LRP1B: variants seen among roughly 807,000 people sequenced by gnomAD.
LRP1B encodes the protein LDL receptor related protein 1B, also known as low-density lipoprotein receptor-related protein 1B.
LRP1B carries 217 observed loss-of-function variants against 556.6 expected under a neutral mutation model. That is an observed-to-expected ratio of 0.39 (90% CI 0.35 to 0.44). The LOEUF (loss-of-function observed/expected upper bound fraction) is 0.44, where lower values mean the gene tolerates loss of function less well. Ranked by LOEUF, LRP1B falls within the 20% of genes least tolerant of loss-of-function variation. LRP1B has a pLI of 1.00. For synonymous variants in LRP1B, 2,047 were observed against 1,865.8 expected (o/e 1.10, Z -2.50); for missense variants, 5,053 against 5,620.8 (o/e 0.90, Z 3.23).
intron 2 of LRP1B, among the ~76,000 whole-genome samples, chr2:141,709,806 G>T (rs975556572): frequency 6.6e-5 from 10 of 151,666 alleles, no homozygotes; most frequent in Non-Finnish European, 1.3e-4. Flanking sequence ...TAGTTTCTTT[G>T]TGTTGCTATG....
At chr2:141,446,455 ATGC>A (rs1224196733) in intron 3 of LRP1B, among the ~76,000 whole-genome samples, 1 of 152,164 alleles carries the variant, frequency 6.6e-6, no homozygotes, top group African/African-American at 2.4e-5. Context: ...TGTCATTATG[ATGC>A]TAGCTGGTTA....
At chr2:141,906,638 T>C (rs1699768383) in intron 1 of LRP1B, among the ~76,000 whole-genome samples, 1 of 152,040 alleles carries the variant, frequency 6.6e-6, no homozygotes, top group Non-Finnish European at 1.5e-5. Context: ...ATATTGATTA[T>C]TGCATTAACA....
chr2:141,584,634 G>A (rs888127578), intron 2 of LRP1B, among the ~76,000 whole-genome samples: 10 of 152,108 alleles, frequency 6.6e-5, no homozygotes, highest in Non-Finnish European at 7.4e-5. Context: ...ACACATGCAT[G>A]CACACCTTCA....
chr2:141,505,116 CCCCTCTCTCTCT>C (rs1163371383), intron 2 of LRP1B, among the ~76,000 whole-genome samples: 2 of 151,356 alleles, frequency 1.3e-5, no homozygotes, highest in African/African-American at 2.4e-5. Context: ...TCTCTCTCTC[CCCCTCTCTCTCT>C]TCCCCTCCCC....
chr2:140,333,222 A>C (rs6741490), intron 79 of LRP1B, among the ~76,000 whole-genome samples: 1 of 152,136 alleles, frequency 6.6e-6, no homozygotes, highest in South Asian at 2.1e-4. Flanking sequence ...TCTCTCTTTC[A>C]ATATCCCCCT....
intron 57 of LRP1B, among the ~76,000 whole-genome samples, chr2:140,491,230 T>C (rs1205418456): frequency 6.6e-6 from 1 of 152,260 alleles, no homozygotes; most frequent in African/African-American, 2.4e-5. Context: ...ATGAAGATAA[T>C]GAATATTGTT....
intron 3 of LRP1B, among the ~76,000 whole-genome samples, chr2:141,456,049 A>AT (rs1296751971): frequency 6.6e-6 from 1 of 152,098 alleles, no homozygotes; most frequent in Non-Finnish European, 1.5e-5. Flanking sequence ...AAGACATGCA[A>AT]TTTTTTCTTC....
At chr2:141,115,048 T>C in intron 7 of LRP1B, among the ~76,000 whole-genome samples, 1 of 151,810 alleles carries the variant, frequency 6.6e-6, no homozygotes, top group East Asian at 1.9e-4. Context: ...GAAGCAAAAA[T>C]ACAATGTAGG....
intron 84 of LRP1B, among the ~76,000 whole-genome samples, chr2:140,292,508 T>C (rs1683429170): frequency 6.6e-6 from 1 of 152,152 alleles, no homozygotes; most frequent in Admixed American, 6.6e-5. Flanking sequence ...GTGTATGCTG[T>C]TCCCCTTTGC....
chr2:141,393,379 T>C (rs937067435), intron 3 of LRP1B, among the ~76,000 whole-genome samples: 3 of 152,182 alleles, frequency 2.0e-5, no homozygotes, highest in Non-Finnish European at 4.4e-5. Context: ...CAGATAAGCA[T>C]AGAACTTTCT....
chr2:141,206,375 A>G (rs978964203), intron 6 of LRP1B, among the ~76,000 whole-genome samples: 4 of 151,938 alleles, frequency 2.6e-5, no homozygotes, highest in Admixed American at 2.6e-4. Context: ...AGGTCAGCAG[A>G]TCGAGACCAT....
chr2:141,169,688 G>A (rs1680415536), intron 7 of LRP1B, among the ~76,000 whole-genome samples: 1 of 150,446 alleles, frequency 6.6e-6, no homozygotes, highest in Non-Finnish European at 1.5e-5. Context: ...ACAACTGGAA[G>A]CAACCAGCCC....
At chr2:140,370,321 A>G (rs540386961) in intron 71 of LRP1B, among the ~76,000 whole-genome samples, 3 of 152,126 alleles carry the variant, frequency 2.0e-5, no homozygotes, top group Admixed American at 6.6e-5. Flanking sequence ...TGTTGTTCCT[A>G]TGCTTTCAGA....
chr2:142,092,193 G>A (rs1394380877), intron 1 of LRP1B, among the ~76,000 whole-genome samples: 2 of 152,100 alleles, frequency 1.3e-5, no homozygotes, highest in Non-Finnish European at 2.9e-5. Flanking sequence ...TCTGTTACAT[G>A]TATCTAATAT....
intron 3 of LRP1B, among the ~76,000 whole-genome samples, chr2:141,306,787 T>C (rs1410217527): frequency 6.6e-6 from 1 of 152,118 alleles, no homozygotes; most frequent in African/African-American, 2.4e-5. Context: ...TTTTGCTATA[T>C]TCCATAGGTT....
intron 32 of LRP1B, among the ~76,000 whole-genome samples, chr2:140,797,344 T>C (rs949638057): frequency 5.3e-5 from 8 of 152,062 alleles, no homozygotes; most frequent in Non-Finnish European, 1.2e-4. Flanking sequence ...CGCTTTAATT[T>C]TAGAATATTT....
chr2:140,344,013 T>C (rs1681528403), intron 77 of LRP1B, among the ~76,000 whole-genome samples: 1 of 151,688 alleles, frequency 6.6e-6, no homozygotes, highest in African/African-American at 2.4e-5. Flanking sequence ...ATTAGTTTGA[T>C]TGCGATGATG....
intron 7 of LRP1B, among the ~76,000 whole-genome samples, chr2:141,118,309 T>C (rs1250949642): frequency 6.6e-6 from 1 of 151,942 alleles, no homozygotes; most frequent in East Asian, 1.9e-4. Flanking sequence ...TCACATCTTA[T>C]TACAAAACTT....
At chr2:141,028,996 A>T (rs1434023601) in intron 11 of LRP1B, among the ~76,000 whole-genome samples, 2 of 152,116 alleles carry the variant, frequency 1.3e-5, no homozygotes, top group African/African-American at 4.8e-5. Context: ...GGCTGGCCAG[A>T]AGGGCTGACT....
Sources: gnomAD v4.1 joint callset for allele counts (sites outside exome capture counted in the v4.1 genomes callset) on GRCh38, gnomAD v4.1.1 for gene constraint, MANE v1.5 for transcripts, NCBI Gene and HGNC (gene_info 2026-07-23, HGNC 2026-07-21) for gene names.